TRIM2: variants seen among roughly 807,000 people sequenced by gnomAD.
TRIM2 encodes the protein tripartite motif-containing protein 2.
Under a neutral mutation model 75.2 loss-of-function variants are expected in TRIM2, and 20 were observed. The ratio of observed to expected loss-of-function variants is 0.27; its 90% confidence interval spans 0.19 to 0.39. The LOEUF is 0.39. Among genes scored for constraint, TRIM2 ranks in the 10% least tolerant of loss-of-function variants. TRIM2 has a pLI of 1.00. For missense variants in TRIM2, 660 were observed against 990.8 expected, an observed-to-expected ratio of 0.67 and a Z score of 4.48; for synonymous variants, 373 against 388.3, an observed-to-expected ratio of 0.96 and a Z score of 0.46.
At chr4:153,260,404 C>A (rs1024183186) in intron 1 of TRIM2, among the ~76,000 whole-genome samples, 1 of 152,000 alleles carries the variant, frequency 6.6e-6, no homozygotes, top group Non-Finnish European at 1.5e-5. Context: ...TCTTAACAAT[C>A]GGCTGCCAAA....
At chr4:153,174,173 TCTC>T (rs1374374426) in intron 1 of TRIM2, among the ~76,000 whole-genome samples, 1 of 65,024 alleles carries the variant, frequency 1.5e-5, no homozygotes, top group African/African-American at 7.8e-5. Context: ...TATTTCTCCT[TCTC>T]CTTACACTTC....
chr4:153,256,937 TA>T (rs554065000), intron 1 of TRIM2, among the ~76,000 whole-genome samples: 134 of 141,410 alleles, frequency 9.5e-4, no homozygotes, highest in African/African-American at 3.3e-3. Flanking sequence ...TTTTTGCATT[TA>T]AAAAAATTAT....
intron 1 of TRIM2, among the ~76,000 whole-genome samples, chr4:153,206,885 T>G (rs911878870): frequency 1.3e-5 from 2 of 152,140 alleles, no homozygotes; most frequent in Non-Finnish European, 2.9e-5. Flanking sequence ...TTTCTTTCTT[T>G]CTTTTTTAAA....
intron 2 of TRIM2, among the ~76,000 whole-genome samples, chr4:153,270,720 C>T (rs1233252571): frequency 6.6e-6 from 1 of 152,126 alleles, no homozygotes; most frequent in Non-Finnish European, 1.5e-5. Flanking sequence ...GAAAGCAATC[C>T]AGTAACTACT....
At chr4:153,330,377 C>A (rs1480851689) in intron 11 of TRIM2, among the ~76,000 whole-genome samples, 1 of 152,078 alleles carries the variant, frequency 6.6e-6, no homozygotes, top group Non-Finnish European at 1.5e-5. Flanking sequence ...AAGCTACAGA[C>A]CATATTCCTC....
intron 10 of TRIM2, 28 bp from the exon 11 acceptor site, chr4:153,328,502 C>G: frequency 6.4e-7 from 1 of 1,572,782 alleles, no homozygotes; most frequent in Non-Finnish European, 8.6e-7. Context: ...TGATGTAAAA[C>G]AAAATAATTT....
At chr4:153,324,008 G>A in intron 9 of TRIM2, 70 bp from the exon 10 acceptor site, 1 of 1,210,114 alleles carries the variant, frequency 8.3e-7, no homozygotes, top group Non-Finnish European at 1.2e-6. Context: ...AAGTTTGTTT[G>A]TTACAGTAAC....
intron 1 of TRIM2, among the ~76,000 whole-genome samples, chr4:153,254,879 G>A (rs541550442): frequency 6.6e-6 from 1 of 152,108 alleles, no homozygotes; most frequent in African/African-American, 2.4e-5. Context: ...CCCAATTCCA[G>A]GTAAAAGATC....
At chr4:153,231,244 GA>G (rs1457338879) in intron 1 of TRIM2, among the ~76,000 whole-genome samples, 1 of 152,114 alleles carries the variant, frequency 6.6e-6, no homozygotes, top group Non-Finnish European at 1.5e-5. Flanking sequence ...CTAGACCCAA[GA>G]ATATCACATA....
chr4:153,296,003 A>T lies in TRIM2; in HGVS notation c.1477A>T (p.Asn493Tyr). Residue 493 changes from asparagine (N) to tyrosine (Y), a missense_variant, in exon 6 of 12, where the codon AAT becomes TAT. This residue lies in a region of TRIM2 where 620 missense variants were observed against 891.0 expected (regional missense o/e 0.70). Transcript: ENST00000338700. ...SMYSTGKRKENPIEDDLIFRV... is the reference protein window; with the variant it reads ...SMYSTGKRKEYPIEDDLIFRV... The stretch of plus-strand genomic sequence containing the variant: ...GTACAGCACTGGAAAACGAAAAGAG[A>T]ATCCCATCGAAGACGATTTGATCTT... 6.6e-7 allele frequency: 1 copy of T among 1,524,860 alleles called. No homozygotes were observed. The allele number at this position is 1,524,860 out of a possible 1,614,324, so 94.5% of individuals were successfully genotyped here. A position where few individuals can be genotyped will look rare whatever the true frequency, so the allele number is the denominator to read the frequency against.
chr4:153,308,106 C>T lies in TRIM2; in HGVS notation c.1511-7379C>T, dbSNP rs560111582. 17 of 925,758 alleles carry T rather than the reference C, an allele frequency of 1.8e-5. No homozygotes were observed. In the African/African-American group the frequency reaches 2.1e-4, roughly 12 times the overall value. The allele number at this position is 925,758 out of a possible 1,614,324, so 57.3% of individuals were successfully genotyped here. A position where few individuals can be genotyped will look rare whatever the true frequency, so the allele number is the denominator to read the frequency against. On this transcript the variant is annotated intron_variant, in intron 6 of 11. Coordinates refer to ENST00000338700, the MANE Select transcript of TRIM2 (RefSeq NM_015271.5). ...TACTTTCTGGAAGTGGGACATGCTC[C>T]GCTCGGTCATGACGCTGATCCACTT...
intron 1 of TRIM2, among the ~76,000 whole-genome samples, chr4:153,262,984 A>G (rs952897421): frequency 2.0e-5 from 3 of 152,212 alleles, no homozygotes; most frequent in African/African-American, 7.2e-5. Flanking sequence ...ATGTTAAAAT[A>G]TGTCACTAAT....
chr4:153,302,828 C>T lies in TRIM2; in HGVS notation c.1510+6792C>T, dbSNP rs114940697. Among the ~76,000 whole-genome samples the T allele has an allele frequency of 6.8e-3, 1,028 of 152,190 alleles. 12 individuals are homozygous for T. The highest frequency in any genetic ancestry group is 0.023 in the African/African-American group (969 of 41,514). Reference sequence around the variant, plus strand: ...GTTACTTATGCCTGGGTCTTATTACCCAAGATGGTAAATTCCTTAAGGTCA... The same window carrying T: ...GTTACTTATGCCTGGGTCTTATTACTCAAGATGGTAAATTCCTTAAGGTCA... On this transcript the variant is annotated intron_variant, in intron 6 of 11. Coordinates refer to ENST00000338700, the MANE Select transcript of TRIM2 (RefSeq NM_015271.5).
At chr4:153,311,767 C>T (rs1217225188) in intron 6 of TRIM2, among the ~76,000 whole-genome samples, 1 of 148,164 alleles carries the variant, frequency 6.7e-6, no homozygotes, top group East Asian at 2.0e-4. Flanking sequence ...TACTGTGTTG[C>T]CCAGGCTGTC....
chr4:153,294,707 G>A (rs1762445117), intron 5 of TRIM2, among the ~76,000 whole-genome samples: 1 of 152,190 alleles, frequency 6.6e-6, no homozygotes, highest in South Asian at 2.1e-4. Context: ...AAGAGGCAAG[G>A]TTGAATATAA....
At chr4:153,305,738 G>T (rs1487675972) in intron 6 of TRIM2, among the ~76,000 whole-genome samples, 2 of 152,190 alleles carry the variant, frequency 1.3e-5, no homozygotes, top group Non-Finnish European at 2.9e-5. Context: ...ATTCATGAGG[G>T]CTCTGCCCTC....
chr4:153,231,959 A>G (rs1743756404), intron 1 of TRIM2, among the ~76,000 whole-genome samples: 1 of 152,160 alleles, frequency 6.6e-6, no homozygotes, highest in Non-Finnish European at 1.5e-5. Context: ...TGCTGACATG[A>G]TGCTCAAAGG....
At chr4:153,173,157 A>G (rs1731053607) in intron 1 of TRIM2, among the ~76,000 whole-genome samples, 1 of 152,092 alleles carries the variant, frequency 6.6e-6, no homozygotes, top group South Asian at 2.1e-4. Context: ...TCGCACACTC[A>G]AGGCTTAGGG....
chr4:153,248,906 GTTACTCGGAGAAAGTCCCACCCCCAGCA>G lies in TRIM2; in HGVS notation c.31-21427_31-21400del. ...TTTCAAAGCATGGAAACCCAAGCAT[GTTACTCGGAGAAAGTCCCACCCCCAGCA>G]TGGGCGCATCGGCTTAGAACCCTCC... is the stretch of plus-strand genomic sequence containing the variant. On this transcript the variant is annotated intron_variant, in intron 1 of 11. Transcript: ENST00000338700. This position sits in a 1 kb window ranked among gnomAD's most constrained non-coding sequence, Gnocchi z 4.0. Among the ~76,000 whole-genome samples the G allele has an allele frequency of 6.6e-6, 1 of 152,334 alleles. No homozygotes were observed. Among genetic ancestry groups the G allele is most frequent in the East Asian group, 1.9e-4 (1 of 5,180 alleles).
Sources: gnomAD v4.1 joint callset for allele counts (sites outside exome capture counted in the v4.1 genomes callset) on GRCh38, gnomAD v4.1.1 for gene constraint, gnomAD v4.1.1 regional missense constraint, Gnocchi (gnomAD v3.1) non-coding constraint, MANE v1.5 for transcripts, NCBI Gene and HGNC (gene_info 2026-07-23, HGNC 2026-07-21) for gene names.